PALM2AKAP2: variants seen among roughly 807,000 people sequenced by gnomAD.
The protein encoded by PALM2AKAP2 is PALM2-AKAP2 fusion protein.
Under a neutral mutation model 71.5 loss-of-function variants are expected in PALM2AKAP2, and 37 were observed. The ratio of observed to expected loss-of-function variants is 0.52; its 90% CI spans 0.40 to 0.68. The LOEUF (loss-of-function observed/expected upper bound fraction) is 0.68. PALM2AKAP2 is among the 30% of genes least tolerant of loss of function. The pLI is 0.00. For missense variants in PALM2AKAP2, 1,224 were observed against 1,191.8 expected, an observed-to-expected ratio of 1.03 and a Z score of -0.40; for synonymous variants, 468 against 478.8, an observed-to-expected ratio of 0.98 and a Z score of 0.29.
rs564502850 is a variant in PALM2AKAP2, at chr9:109,896,691, G to A, written c.257+16010G>A. On this transcript the variant is annotated intron_variant, in intron 3 of 9. Transcript: ENST00000302798. ...CCAAGCATGGTGGTACATGCCTGTCGTCCCAGCTACTCGGGAGGCTGAGGC... is the reference window on the plus strand; with the variant it reads ...CCAAGCATGGTGGTACATGCCTGTCATCCCAGCTACTCGGGAGGCTGAGGC... 7.3e-4 allele frequency among the ~76,000 whole-genome samples: 111 copies of A among 151,940 alleles called. 1 individual carries two copies. The East Asian group carries it at 0.013, about 18-fold the overall frequency.
Position 109,908,020 on chromosome 9 carries a change from GT to G in PALM2AKAP2, c.258-15712del, listed in dbSNP as rs554970563. Among the ~76,000 whole-genome samples the G allele has an allele frequency of 1.6e-3, 243 of 152,330 alleles. 1 individual carries two copies. The highest frequency in any genetic ancestry group is 9.7e-3 in the South Asian group (47 of 4,824). Reference sequence around the variant, plus strand: ...TTATTCTTTGGTGTCCTTTTGGGTAGTTTAGGGAAATCCATGCTGTAGGTGA... The same window carrying G: ...TTATTCTTTGGTGTCCTTTTGGGTAGTTAGGGAAATCCATGCTGTAGGTGA... On this transcript the variant is annotated intron_variant, in intron 3 of 9. Coordinates refer to the PALM2AKAP2 transcript ENST00000302798.
chr9:109,995,644 G>C (rs905948707), intron 6 of PALM2AKAP2, among the ~76,000 whole-genome samples: 3 of 152,134 alleles, frequency 2.0e-5, no homozygotes, highest in Non-Finnish European at 4.4e-5. Flanking sequence ...GATCTCACAA[G>C]ACTTATTCAC....
intron 1 of PALM2AKAP2, among the ~76,000 whole-genome samples, chr9:109,654,750 G>GGTGTGTGT (rs374397482): frequency 0.026 from 3,815 of 147,252 alleles, 70 homozygotes; most frequent in East Asian, 0.04. Context: ...GTATGTGTAT[G>GGTGTGTGT]GTGTGTGTGT....
intron 7 of PALM2AKAP2, among the ~76,000 whole-genome samples, chr9:110,018,814 T>C (rs115108142): frequency 0.012 from 1,763 of 152,332 alleles, 36 homozygotes; most frequent in African/African-American, 0.034. Flanking sequence ...CATTGACTTT[T>C]TTCCTTTGGG....
chr9:109,967,981 CTTTT>C (rs1831989330), intron 6 of PALM2AKAP2, among the ~76,000 whole-genome samples: 1 of 152,198 alleles, frequency 6.6e-6, no homozygotes, highest in Non-Finnish European at 1.5e-5. Context: ...AGGACTTGGT[CTTTT>C]TCTCTGCAAT....
intron 1 of PALM2AKAP2, among the ~76,000 whole-genome samples, chr9:109,683,056 T>C (rs1314251601): frequency 6.6e-6 from 1 of 152,124 alleles, no homozygotes; most frequent in Non-Finnish European, 1.5e-5. Context: ...TTTCGAGATC[T>C]GGTTGTTTAA....
chr9:109,878,641 A>T (rs977349906), intron 2 of PALM2AKAP2, among the ~76,000 whole-genome samples: 1 of 151,790 alleles, frequency 6.6e-6, no homozygotes, highest in African/African-American at 2.4e-5. Context: ...GCTCCTGGGC[A>T]TGGAGCAGGG....
chr9:110,105,636 T>C (rs1297284348), intron 1 of PALM2AKAP2, among the ~76,000 whole-genome samples: 1 of 152,258 alleles, frequency 6.6e-6, no homozygotes, highest in Admixed American at 6.5e-5. Context: ...TATATCCTGC[T>C]GTTCATTGGT....
At chr9:109,665,886 C>A (rs1219082397) in intron 1 of PALM2AKAP2, among the ~76,000 whole-genome samples, 1 of 152,236 alleles carries the variant, frequency 6.6e-6, no homozygotes, top group Non-Finnish European at 1.5e-5. Flanking sequence ...CCTACTCAAG[C>A]CTCAGCAATG....
At chr9:109,710,168 C>T (rs771531244) in intron 1 of PALM2AKAP2, among the ~76,000 whole-genome samples, 3 of 152,200 alleles carry the variant, frequency 2.0e-5, no homozygotes, top group East Asian at 3.9e-4. Context: ...AGGACCCAAT[C>T]GTGCCAACAC....
At chr9:109,801,634 C>T (rs1160440108) in intron 1 of PALM2AKAP2, among the ~76,000 whole-genome samples, 2 of 152,150 alleles carry the variant, frequency 1.3e-5, no homozygotes, top group East Asian at 1.9e-4. Context: ...ACTCCAGGAC[C>T]TGGGATGGGT....
At chr9:109,695,518 C>T (rs557032683) in intron 1 of PALM2AKAP2, among the ~76,000 whole-genome samples, 112 of 152,108 alleles carry the variant, frequency 7.4e-4, no homozygotes, top group South Asian at 1.7e-3. Context: ...TATCTTACTA[C>T]GGTTTTGATT....
intron 1 of PALM2AKAP2, among the ~76,000 whole-genome samples, chr9:110,129,905 A>G (rs529610766): frequency 2.6e-5 from 4 of 152,186 alleles, no homozygotes; most frequent in Non-Finnish European, 2.9e-5. Context: ...GTTGCAGCAC[A>G]ACTGTATCTT....
At chr9:109,879,340 T>C (rs1030074728) in intron 2 of PALM2AKAP2, among the ~76,000 whole-genome samples, 4 of 152,208 alleles carry the variant, frequency 2.6e-5, no homozygotes, top group Non-Finnish European at 4.4e-5. Flanking sequence ...TTCCTTTCGT[T>C]GCTTACTATT....
intron 1 of PALM2AKAP2, among the ~76,000 whole-genome samples, chr9:109,813,342 A>G (rs1172906310): frequency 6.6e-6 from 1 of 152,222 alleles, no homozygotes; most frequent in Non-Finnish European, 1.5e-5. Context: ...TTAATTCAGA[A>G]GCTGATGAGA....
intron 6 of PALM2AKAP2, among the ~76,000 whole-genome samples, chr9:109,969,327 C>T (rs550068293): frequency 1.3e-5 from 2 of 152,352 alleles, no homozygotes; most frequent in African/African-American, 4.8e-5. Context: ...AGTCTCCTCT[C>T]GCCTGAAACA....
intron 3 of PALM2AKAP2, among the ~76,000 whole-genome samples, 188 bp downstream of exon 9, chr9:110,156,685 A>G (rs1836465947): frequency 6.6e-6 from 1 of 152,170 alleles, no homozygotes; most frequent in African/African-American, 2.4e-5. Context: ...TTCAAAAAAA[A>G]ATTGTTGATC....
chr9:109,710,868 G>A (rs897422745), intron 1 of PALM2AKAP2, among the ~76,000 whole-genome samples: 8 of 152,080 alleles, frequency 5.3e-5, no homozygotes, highest in Admixed American at 4.6e-4. Flanking sequence ...GGAGAATGAA[G>A]TTGATATACC....
intron 1 of PALM2AKAP2, among the ~76,000 whole-genome samples, chr9:109,657,938 TTG>T (rs35984840): frequency 0.08 from 11,363 of 142,272 alleles, 452 homozygotes; most frequent in East Asian, 0.11. Context: ...TTGTGTGTGT[TTG>T]TGTGTGTGTG....
Sources: allele counts gnomAD v4.1 joint callset (sites outside exome capture counted in the v4.1 genomes callset), GRCh38; gene constraint gnomAD v4.1.1; transcripts MANE v1.5; gene names NCBI Gene and HGNC (gene_info 2026-07-23, HGNC 2026-07-21).